Variants in FRA10AC1 observed in about 807,000 individuals in gnomAD.
FRA10AC1 encodes the protein protein FRA10AC1.
Under a neutral mutation model 56.5 loss-of-function variants are expected in FRA10AC1, and 43 were observed. That is an observed-to-expected ratio of 0.76 (90% CI 0.60 to 0.98). The LOEUF (loss-of-function observed/expected upper bound fraction) is 0.98, where lower values mean the gene tolerates loss of function less well. Ranked by LOEUF, FRA10AC1 falls within the 50% of genes least tolerant of loss-of-function variation. The probability of loss-of-function intolerance (pLI) is 0.00; values close to 1 mark genes in which losing one functional copy is unlikely to be tolerated. For synonymous variants in FRA10AC1, 112 were observed against 110.5 expected (o/e 1.01, Z -0.09); for missense variants, 346 against 351.8 (o/e 0.98, Z 0.13).
At chr10:93,700,352 C>T (rs182665217) in intron 1 of FRA10AC1, among the ~76,000 whole-genome samples, 53 of 152,314 alleles carry the variant, frequency 3.5e-4, no homozygotes, top group African/African-American at 1.2e-3. Flanking sequence ...AAGAAGGCTA[C>T]TCTTTGATCT....
At chr10:93,692,177 C>G (rs2059135251) in intron 6 of FRA10AC1, 84 bp from the exon 7 acceptor site, 2 of 901,802 alleles carry the variant, frequency 2.2e-6, no homozygotes, top group South Asian at 5.1e-5. Context: ...AGAATACATA[C>G]TACATAAATA....
At chr10:93,682,901 A>G (rs1008601757) in intron 10 of FRA10AC1, among the ~76,000 whole-genome samples, 1 of 152,224 alleles carries the variant, frequency 6.6e-6, no homozygotes, top group East Asian at 1.9e-4. Context: ...CTAAAATACT[A>G]TATAGGCACA....
Position 93,698,412 on chromosome 10 carries a change from G to A in FRA10AC1, c.78-16C>T. The A allele has an allele frequency of 1.5e-6, 2 of 1,369,172 alleles. No homozygotes were observed. Among genetic ancestry groups the A allele is most frequent in the Non-Finnish European group, 2.1e-6 (2 of 973,854 alleles). The allele number at this position is 1,369,172 out of a possible 1,614,324, so 84.8% of individuals were successfully genotyped here. ...TTCAACTGTCCTGATATATTAAGAA[G>A]AAAATAAGAGTTCACTTTTTTCAAA... is the stretch of plus-strand genomic sequence containing the variant. On this transcript the variant is annotated splice_polypyrimidine_tract_variant and intron_variant, in intron 2 of 13. Coordinates refer to ENST00000359204, the MANE Select transcript of FRA10AC1 (RefSeq NM_145246.5).
intron 5 of FRA10AC1, among the ~76,000 whole-genome samples, chr10:93,693,190 A>G (rs1589725962): frequency 6.6e-6 from 1 of 151,672 alleles, no homozygotes; most frequent in Non-Finnish European, 1.5e-5. Flanking sequence ...CTTTCAAAAT[A>G]AAATGCTAAC....
At chr10:93,693,640 C>CACACCATATATATATACTATATATATAT (rs1564820380) in intron 5 of FRA10AC1, among the ~76,000 whole-genome samples, 1 of 58,824 alleles carries the variant, frequency 1.7e-5, no homozygotes, top group Admixed American at 2.2e-4. Context: ...CATATATATA[C>CACACCATATATATATACTATATATATAT]ACACCATATA....
intron 5 of FRA10AC1, among the ~76,000 whole-genome samples, chr10:93,693,852 T>C (rs1434112827): frequency 1.3e-5 from 2 of 151,580 alleles, no homozygotes; most frequent in Non-Finnish European, 2.9e-5. Context: ...TATGTTCTCA[T>C]TTATATGTGG....
At chr10:93,670,957 G>T in intron 12 of FRA10AC1, 109 bp from the exon 13 acceptor site, 1 of 663,742 alleles carries the variant, frequency 1.5e-6, no homozygotes, top group Non-Finnish European at 2.6e-6. Flanking sequence ...CAACTTTTAT[G>T]ACTCTCTAGA....
At chr10:93,685,866 T>C (rs2059018253) in intron 8 of FRA10AC1, among the ~76,000 whole-genome samples, 1 of 151,884 alleles carries the variant, frequency 6.6e-6, no homozygotes, top group African/African-American at 2.4e-5. Context: ...CTAGCATAGA[T>C]GGCCTTGAAA....
Position 93,702,522 on chromosome 10 carries a change from A to ACCACCGCCGCCGCCG in FRA10AC1, c.-149_-148insCGGCGGCGGCGGTGG, listed in dbSNP as rs60832838. The ACCACCGCCGCCGCCG allele has an allele frequency of 0.02, 4,311 of 215,972 alleles. 564 individuals are homozygous for ACCACCGCCGCCGCCG. Among genetic ancestry groups the ACCACCGCCGCCGCCG allele is most frequent in the Non-Finnish European group, 0.026 (2,857 of 110,922 alleles). The allele number at this position is 215,972 out of a possible 1,614,324, so 13.4% of individuals were successfully genotyped here. A position where few individuals can be genotyped will look rare whatever the true frequency, so the allele number is the denominator to read the frequency against. ...GCCGCACAGCCTCGCCACAACCACC[A>ACCACCGCCGCCGCCG]CCGCCGCCGCCGCCGCCGCCGCCGC... On this transcript the variant is annotated 5_prime_UTR_variant, in exon 1 of 14. Coordinates refer to ENST00000359204, the MANE Select transcript of FRA10AC1 (RefSeq NM_145246.5).
At chr10:93,676,769 A>G in intron 11 of FRA10AC1, 78 bp from the exon 12 acceptor site, 1 of 1,459,368 alleles carries the variant, frequency 6.9e-7, no homozygotes, top group East Asian at 2.5e-5. Flanking sequence ...CAGAATTCTT[A>G]GCAATATTCT....
At chr10:93,694,453 C>T (rs1189951838) in intron 5 of FRA10AC1, among the ~76,000 whole-genome samples, 1 of 151,940 alleles carries the variant, frequency 6.6e-6, no homozygotes, top group African/African-American at 2.4e-5. Context: ...CAGTGGCTCA[C>T]GCCTGTAATC....
chr10:93,689,689 A>G (rs2059092903), intron 7 of FRA10AC1, among the ~76,000 whole-genome samples: 1 of 152,228 alleles, frequency 6.6e-6, no homozygotes, highest in African/African-American at 2.4e-5. Flanking sequence ...GTAACAAAAC[A>G]AATTACATTA....
At chr10:93,695,871 A>C (rs2059224886) in intron 4 of FRA10AC1, among the ~76,000 whole-genome samples, 1 of 152,380 alleles carries the variant, frequency 6.6e-6, no homozygotes, top group African/African-American at 2.4e-5. Context: ...CATTTTCTGC[A>C]AACGGCCAGA....
rs764061453 is a variant in FRA10AC1 at position 93,669,892 on chromosome 10, T to C, written c.906-24A>G. ...CCCTATTTAAAAAAAAAAGCATACTTAAGATCAATAGAGTAAAAAAATTAC... is the reference window on the plus strand; with the variant it reads ...CCCTATTTAAAAAAAAAAGCATACTCAAGATCAATAGAGTAAAAAAATTAC... On this transcript the variant is annotated intron_variant, in intron 13 of 13. Coordinates refer to ENST00000359204, the MANE Select transcript of FRA10AC1 (RefSeq NM_145246.5). The C allele has an allele frequency of 2.0e-5, 27 of 1,352,844 alleles. No homozygotes were observed. In the South Asian group the frequency reaches 3.4e-4, roughly 17 times the overall value. 83.8% of individuals were successfully genotyped at this position (1,352,844 alleles called of 1,614,324 possible). A position where few individuals can be genotyped will look rare whatever the true frequency, so the allele number is the denominator to read the frequency against.
intron 13 of FRA10AC1, 35 bp from the exon 14 acceptor site, chr10:93,669,903 G>A: frequency 5.7e-6 from 7 of 1,238,516 alleles, no homozygotes; most frequent in Non-Finnish European, 8.1e-6. Flanking sequence ...AAGATCAATA[G>A]AGTAAAAAAA....
chr10:93,687,882 T>C (rs1483156211), intron 7 of FRA10AC1: 2 of 152,348 alleles, frequency 1.3e-5, no homozygotes, highest in East Asian at 3.9e-4. Flanking sequence ...CTCAGCTTCC[T>C]CATATATGTA....
At chr10:93,673,686 T>C (rs2058800617) in intron 12 of FRA10AC1, 4 of 390,932 alleles carry the variant, frequency 1.0e-5, no homozygotes, top group Non-Finnish European at 2.0e-5. Flanking sequence ...TATATGTCTG[T>C]ATTTTTCTTT....
intron 6 of FRA10AC1, among the ~76,000 whole-genome samples, chr10:93,692,369 T>G (rs536965965): frequency 6.6e-6 from 1 of 152,254 alleles, no homozygotes; most frequent in Non-Finnish European, 1.5e-5. Context: ...AGGTATGACT[T>G]TTTTCTAAAA....
At chr10:93,673,938 T>C (rs1165562321) in intron 12 of FRA10AC1, 1 of 231,768 alleles carries the variant, frequency 4.3e-6, no homozygotes, top group Non-Finnish European at 8.8e-6. Flanking sequence ...TGAACAGTTA[T>C]TGATTGATGA....
Sources: allele counts gnomAD v4.1 joint callset (sites outside exome capture counted in the v4.1 genomes callset), GRCh38; gene constraint gnomAD v4.1.1; transcripts MANE v1.5; gene names NCBI Gene and HGNC (gene_info 2026-07-23, HGNC 2026-07-21).